The following BNC2 variants were observed in gnomAD, a reference collection of about 807,000 sequenced individuals.
BNC2 encodes the protein zinc finger protein basonuclin-2.
BNC2 carries 20 observed loss-of-function variants against 76.3 expected under a neutral mutation model. The observed-to-expected ratio is 0.26, with a 90% CI of 0.18 to 0.38. The LOEUF is 0.38. Among genes scored for constraint, BNC2 ranks in the 10% least tolerant of loss-of-function variants. BNC2 has a pLI of 1.00. For synonymous variants in BNC2, 582 were observed against 514.8 expected (o/e 1.13, Z -1.77); for missense variants, 1,382 against 1,399.8 (o/e 0.99, Z 0.20).
chr9:16,494,733 G>A (rs1380057936), intron 5 of BNC2, among the ~76,000 whole-genome samples: 1 of 152,114 alleles, frequency 6.6e-6, no homozygotes, highest in Admixed American at 6.5e-5. Flanking sequence ...GTCCTGTAGG[G>A]TTTTGATCAA....
chr9:16,639,919 C>G (rs1448282023), intron 3 of BNC2, among the ~76,000 whole-genome samples: 1 of 151,720 alleles, frequency 6.6e-6, no homozygotes, highest in Non-Finnish European at 1.5e-5. Context: ...GAGACCCTGT[C>G]TCATTAAAAA....
intron 3 of BNC2, among the ~76,000 whole-genome samples, chr9:16,709,446 T>G (rs1823771173): frequency 6.6e-6 from 1 of 152,240 alleles, no homozygotes; most frequent in East Asian, 1.9e-4. Context: ...ACACTTGCAA[T>G]GCCACCACAG....
At chr9:16,585,021 T>A (rs1252216605) in intron 3 of BNC2, among the ~76,000 whole-genome samples, 1 of 152,088 alleles carries the variant, frequency 6.6e-6, no homozygotes, top group African/African-American at 2.4e-5. Context: ...TAAAATGAGA[T>A]GGTATTTCAA....
chr9:16,557,853 T>G (rs1372971700), intron 4 of BNC2, among the ~76,000 whole-genome samples: 1 of 151,700 alleles, frequency 6.6e-6, no homozygotes, highest in Non-Finnish European at 1.5e-5. Flanking sequence ...TGTTTTTTTT[T>G]TGTTGTTGTT....
intron 3 of BNC2, among the ~76,000 whole-genome samples, chr9:16,606,529 CTT>C (rs531847603): frequency 1.4e-5 from 2 of 145,672 alleles, no homozygotes; most frequent in African/African-American, 2.5e-5. Context: ...GATCTGATAG[CTT>C]TTTTTTTTTT....
At chr9:16,440,454 G>A (rs918684039) in intron 5 of BNC2, among the ~76,000 whole-genome samples, 4 of 152,086 alleles carry the variant, frequency 2.6e-5, no homozygotes, top group East Asian at 1.9e-4. Context: ...CTTTCACTAC[G>A]GATTAATTTC....
At chr9:16,709,251 C>T (rs1035494167) in intron 3 of BNC2, among the ~76,000 whole-genome samples, 1 of 152,140 alleles carries the variant, frequency 6.6e-6, no homozygotes, top group Non-Finnish European at 1.5e-5. Flanking sequence ...AAAGAAAAGG[C>T]TTTCTCGGCC....
chr9:16,464,718 G>A (rs1469770844), intron 5 of BNC2, among the ~76,000 whole-genome samples: 1 of 151,996 alleles, frequency 6.6e-6, no homozygotes, highest in African/African-American at 2.4e-5. Context: ...CACCACGCCT[G>A]GCTAATTTTT....
intron 4 of BNC2, among the ~76,000 whole-genome samples, chr9:16,571,459 T>C (rs1819321001): frequency 6.6e-6 from 1 of 152,176 alleles, no homozygotes; most frequent in Admixed American, 6.5e-5. Flanking sequence ...TAGAAAATGT[T>C]AGATAGCTAC....
chr9:16,635,141 A>C (rs1821286034), intron 3 of BNC2, among the ~76,000 whole-genome samples: 1 of 152,188 alleles, frequency 6.6e-6, no homozygotes, highest in African/African-American at 2.4e-5. Flanking sequence ...TTGTCTGTTC[A>C]GGTATTTAGT....
intron 6 of BNC2, among the ~76,000 whole-genome samples, chr9:16,427,918 T>C (rs1038735240): frequency 1.3e-5 from 2 of 152,184 alleles, no homozygotes; most frequent in African/African-American, 4.8e-5. Flanking sequence ...GAGAATATAG[T>C]TTTGAAGTGG....
At chr9:16,569,108 GTTTTT>G (rs560869216) in intron 4 of BNC2, among the ~76,000 whole-genome samples, 10 of 143,678 alleles carry the variant, frequency 7.0e-5, no homozygotes, top group African/African-American at 2.5e-4. Context: ...TGTACAAAGG[GTTTTT>G]TTTTTTTTCT....
rs1339900823 is a variant in BNC2, at chr9:16,587,131, A to G, written c.331-4046T>C. Among the ~76,000 whole-genome samples, 5 of 152,162 alleles carry G rather than the reference A, an allele frequency of 3.3e-5. No individual in the cohort carries two copies. The East Asian group carries it at 9.7e-4, about 29-fold the overall frequency. On this transcript the variant is annotated intron_variant, in intron 3 of 6. Transcript: ENST00000380672. ...AGAGATAATTTACTAACTTACCTAA[A>G]GTCAATCAACTAGTAAAGTCACAGA...
intron 3 of BNC2, among the ~76,000 whole-genome samples, chr9:16,669,300 C>A (rs1049145696): frequency 3.3e-5 from 5 of 152,152 alleles, no homozygotes; most frequent in South Asian, 2.1e-4. Flanking sequence ...ATCTAAAACT[C>A]CTTATCCTCT....
intron 3 of BNC2, among the ~76,000 whole-genome samples, chr9:16,649,154 G>A (rs907277645): frequency 2.1e-5 from 3 of 145,696 alleles, no homozygotes; most frequent in Non-Finnish European, 4.5e-5. Flanking sequence ...GAATGAGCCT[G>A]ACTAACACAG....
In BNC2 at chr9:16,616,790, G is replaced by GGAA. The variant is rs1820712519; in HGVS notation, c.331-33706_331-33705insTTC. On this transcript the variant is annotated intron_variant, in intron 3 of 6. Coordinates refer to ENST00000380672, the MANE Select transcript of BNC2 (RefSeq NM_017637.6). ...GGATGGGAGGGGAGGGGAGGAAGGA[G>GGAA]GGAAGGAAGGAAGGAAGGAAGGAAG... 8.7e-4 allele frequency among the ~76,000 whole-genome samples: 9 copies of GGAA among 10,380 alleles called. No individual in the cohort carries two copies. In the South Asian group the frequency reaches 0.03, roughly 35 times the overall value. The allele number at this position is 10,380 out of a possible 152,430, so 6.8% of individuals were successfully genotyped here. A position where few individuals can be genotyped will look rare whatever the true frequency, so the allele number is the denominator to read the frequency against.
intron 5 of BNC2, among the ~76,000 whole-genome samples, chr9:16,497,577 T>A (rs1822415793): frequency 6.6e-6 from 1 of 151,892 alleles, no homozygotes; most frequent in African/African-American, 2.4e-5. Context: ...AAAAGTTTGG[T>A]GGGGGAGATG....
At chr9:16,591,044 A>T (rs761287877) in intron 3 of BNC2, among the ~76,000 whole-genome samples, 1 of 152,196 alleles carries the variant, frequency 6.6e-6, no homozygotes, top group Non-Finnish European at 1.5e-5. Flanking sequence ...TACTTCAAAC[A>T]TTGCCACAAA....
chr9:16,524,874 G>C (rs1817744139), intron 5 of BNC2, among the ~76,000 whole-genome samples: 1 of 152,116 alleles, frequency 6.6e-6, no homozygotes, highest in Non-Finnish European at 1.5e-5. Context: ...AGGAGTTCAA[G>C]ACCAGCCTGG....
Sources: gnomAD v4.1 joint callset for allele counts (sites outside exome capture counted in the v4.1 genomes callset) on GRCh38, gnomAD v4.1.1 for gene constraint, MANE v1.5 for transcripts, NCBI Gene and HGNC (gene_info 2026-07-23, HGNC 2026-07-21) for gene names.